ZNF385D: variants seen among roughly 807,000 people sequenced by gnomAD.
The protein encoded by ZNF385D is zinc finger protein 385D, also known as zinc finger protein 659.
ZNF385D carries 15 observed loss-of-function variants against 35.8 expected under a neutral mutation model. That is an observed-to-expected ratio of 0.42 (90% confidence interval 0.28 to 0.64). The LOEUF (loss-of-function observed/expected upper bound fraction) is 0.64, where lower values mean the gene tolerates loss of function less well. ZNF385D is among the 30% of genes least tolerant of loss of function. ZNF385D has a pLI of 0.23. For synonymous variants in ZNF385D, 212 were observed against 186.8 expected, an observed-to-expected ratio of 1.13 and a Z score of -1.10; for missense variants, 474 against 494.6, an observed-to-expected ratio of 0.96 and a Z score of 0.39.
intron 3 of ZNF385D, among the ~76,000 whole-genome samples, chr3:22,161,934 C>G (rs1016466653): frequency 1.3e-5 from 2 of 152,136 alleles, no homozygotes; most frequent in Non-Finnish European, 2.9e-5. Flanking sequence ...GTTCTGAAGA[C>G]AAACAGCTTT....
At chr3:22,001,652 T>C (rs1695852225) in intron 3 of ZNF385D, among the ~76,000 whole-genome samples, 1 of 152,026 alleles carries the variant, frequency 6.6e-6, no homozygotes, top group African/African-American at 2.4e-5. Flanking sequence ...GAACATTTCA[T>C]CCAGCAGCTG....
intron 3 of ZNF385D, among the ~76,000 whole-genome samples, chr3:21,901,022 G>A (rs984192164): frequency 6.6e-6 from 1 of 152,162 alleles, no homozygotes; most frequent in African/African-American, 2.4e-5. Context: ...TGTAATCTTG[G>A]TATTGCCCTT....
intron 3 of ZNF385D, among the ~76,000 whole-genome samples, chr3:21,862,374 T>C (rs1460083955): frequency 6.6e-6 from 1 of 151,670 alleles, no homozygotes; most frequent in Non-Finnish European, 1.5e-5. Flanking sequence ...ATACTCAAAG[T>C]GATATAAATC....
intron 3 of ZNF385D, among the ~76,000 whole-genome samples, chr3:21,822,600 G>A (rs988049264): frequency 2.1e-5 from 3 of 144,512 alleles, no homozygotes; most frequent in African/African-American, 7.6e-5. Context: ...AGAAACTTCT[G>A]GAATGGAAAC....
intron 3 of ZNF385D, among the ~76,000 whole-genome samples, chr3:21,886,707 T>C (rs2125873772): frequency 6.6e-6 from 1 of 152,288 alleles, no homozygotes; most frequent in South Asian, 2.1e-4. Context: ...TGATAGCATC[T>C]AGTCAACATT....
chr3:21,526,248 AAAGTTG>A (rs1344743393), intron 3 of ZNF385D, among the ~76,000 whole-genome samples: 1 of 152,044 alleles, frequency 6.6e-6, no homozygotes, highest in Admixed American at 6.6e-5. Flanking sequence ...CCTGTTCCTT[AAAGTTG>A]TTTATCTGTA....
intron 2 of ZNF385D, among the ~76,000 whole-genome samples, chr3:22,251,777 T>C (rs1700076410): frequency 6.6e-6 from 1 of 152,050 alleles, no homozygotes; most frequent in Non-Finnish European, 1.5e-5. Flanking sequence ...TATAGCACAG[T>C]GGTTCAGAGT....
chr3:21,871,489 C>T (rs939446417), intron 3 of ZNF385D, among the ~76,000 whole-genome samples: 3 of 152,102 alleles, frequency 2.0e-5, no homozygotes, highest in African/African-American at 7.2e-5. Context: ...ATTAATTGCT[C>T]CATTTCCATG....
chr3:21,566,056 G>A (rs2063135107), intron 2 of ZNF385D, among the ~76,000 whole-genome samples: 1 of 152,140 alleles, frequency 6.6e-6, no homozygotes, highest in Non-Finnish European at 1.5e-5. Context: ...CTCCTATTAG[G>A]TTGTCTAGGT....
Position 22,247,897 on chromosome 3 carries a change from C to T in ZNF385D, c.107-78862G>A, listed in dbSNP as rs546527573. 3.3e-5 allele frequency among the ~76,000 whole-genome samples: 5 copies of T among 152,138 alleles called. No individual in the cohort carries two copies. The South Asian group carries it at 1.0e-3, about 32-fold the overall frequency. ...GGATCATAGGGGTGAGCCACCACGCCCGGCCTACAATTTTTAATATGACAG... is the reference window on the plus strand; with the variant it reads ...GGATCATAGGGGTGAGCCACCACGCTCGGCCTACAATTTTTAATATGACAG... On this transcript the variant is annotated intron_variant, in intron 2 of 5. Transcript: ENST00000494108.
At chr3:21,488,065 A>G (rs1205918604) in intron 4 of ZNF385D, among the ~76,000 whole-genome samples, 1 of 151,902 alleles carries the variant, frequency 6.6e-6, no homozygotes, top group African/African-American at 2.4e-5. Flanking sequence ...GAACTTACAT[A>G]TTTACATCGT....
chr3:21,741,466 G>A (rs370591837), intron 1 of ZNF385D, among the ~76,000 whole-genome samples: 12 of 152,242 alleles, frequency 7.9e-5, no homozygotes, highest in African/African-American at 9.6e-5. Context: ...TGATGGTAAC[G>A]GTGACTTCCT....
chr3:22,352,401 C>T (rs865851258), intron 2 of ZNF385D, among the ~76,000 whole-genome samples: 4 of 152,172 alleles, frequency 2.6e-5, no homozygotes, highest in Non-Finnish European at 5.9e-5. Flanking sequence ...CACAATCACA[C>T]GTTATCTCTG....
chr3:21,459,027 C>T (rs1032645286), intron 4 of ZNF385D, among the ~76,000 whole-genome samples: 2 of 152,088 alleles, frequency 1.3e-5, no homozygotes, highest in African/African-American at 4.8e-5. Context: ...TCCTTTGTTT[C>T]TTGTTTACTA....
intron 1 of ZNF385D, among the ~76,000 whole-genome samples, chr3:21,683,682 A>G (rs1464535490): frequency 2.7e-5 from 4 of 150,022 alleles, no homozygotes; most frequent in Admixed American, 2.0e-4. Context: ...AGCGAAGAGC[A>G]TTCTCCGGCT....
chr3:21,545,132 C>T (rs9862479), intron 3 of ZNF385D, among the ~76,000 whole-genome samples: 61,377 of 152,058 alleles, frequency 0.4, 12,464 homozygotes, highest in Non-Finnish European at 0.43. Flanking sequence ...AAACTTCTTT[C>T]CCTGTTGTGT....
chr3:21,859,076 A>G (rs1696893845), intron 3 of ZNF385D, among the ~76,000 whole-genome samples: 1 of 152,102 alleles, frequency 6.6e-6, no homozygotes, highest in South Asian at 2.1e-4. Flanking sequence ...CTCAGCTTTC[A>G]TATCTGAGGT....
intron 2 of ZNF385D, among the ~76,000 whole-genome samples, chr3:22,269,298 G>A (rs2125358487): frequency 6.6e-6 from 1 of 151,902 alleles, no homozygotes; most frequent in East Asian, 1.9e-4. Context: ...CATCCTTGGT[G>A]GCTATAAGAC....
intron 3 of ZNF385D, among the ~76,000 whole-genome samples, chr3:22,059,396 T>C (rs1394102114): frequency 6.6e-6 from 1 of 152,130 alleles, no homozygotes; most frequent in African/African-American, 2.4e-5. Flanking sequence ...ACCAGAGAAT[T>C]GGGGTCATTC....
Sources: gnomAD v4.1 joint callset for allele counts (sites outside exome capture counted in the v4.1 genomes callset) on GRCh38, gnomAD v4.1.1 for gene constraint, MANE v1.5 for transcripts, NCBI Gene and HGNC (gene_info 2026-07-23, HGNC 2026-07-21) for gene names.